TMC1: variants seen among roughly 807,000 people sequenced by gnomAD.
The protein encoded by TMC1 is transmembrane channel-like protein 1.
Under a neutral mutation model 105.8 loss-of-function variants are expected in TMC1, and 84 were observed. The ratio of observed to expected loss-of-function variants is 0.79; its 90% CI spans 0.67 to 0.95. TMC1 has a LOEUF of 0.95. Ranked by LOEUF, TMC1 falls within the 40% of genes least tolerant of loss-of-function variation. TMC1 has a pLI of 0.00. For missense variants in TMC1, 817 were observed against 914.1 expected, an observed-to-expected ratio of 0.89 and a Z score of 1.37; for synonymous variants, 315 against 311.5, an observed-to-expected ratio of 1.01 and a Z score of -0.12.
At chr9:72,823,006 ATTTATTT>A (rs1302780216) in intron 20 of TMC1, among the ~76,000 whole-genome samples, 1 of 152,162 alleles carries the variant, frequency 6.6e-6, no homozygotes, top group African/African-American at 2.4e-5. Context: ...AATCAGGGAA[ATTTATTT>A]TTTATTTTTA....
chr9:72,784,130 C>A (rs1828133634), intron 13 of TMC1, among the ~76,000 whole-genome samples: 1 of 152,014 alleles, frequency 6.6e-6, no homozygotes, highest in Non-Finnish European at 1.5e-5. Context: ...ACTAAACAGA[C>A]AACCAACAGA....
At chr9:72,577,868 CTTTATTTATA>C (rs1266160666) in intron 1 of TMC1, 24 bp from the exon 2 acceptor site, 1 of 151,886 alleles carries the variant, frequency 6.6e-6, no homozygotes, top group African/African-American at 2.4e-5. Context: ...TTAGTTTATT[CTTTATTTATA>C]TTTATTTATT....
At chr9:72,789,727 A>G (rs1388038573) in intron 15 of TMC1, among the ~76,000 whole-genome samples, 1 of 152,200 alleles carries the variant, frequency 6.6e-6, no homozygotes, top group African/African-American at 2.4e-5. Context: ...ATCTGTCATT[A>G]AAAGATCAAA....
chr9:72,654,070 G>T (rs1825851282), intron 5 of TMC1, among the ~76,000 whole-genome samples: 1 of 152,156 alleles, frequency 6.6e-6, no homozygotes, highest in African/African-American at 2.4e-5. Flanking sequence ...ATTTGGGGCT[G>T]TTATGAATAA....
chr9:72,538,394 C>CTTGTATCGTATTGTA (rs1554709809), intron 1 of TMC1, among the ~76,000 whole-genome samples: 5 of 143,778 alleles, frequency 3.5e-5, no homozygotes, highest in African/African-American at 1.3e-4. Flanking sequence ...GGATAAAATA[C>CTTGTATCGTATTGTA]TTGTATTGTA....
At chr9:72,634,092 G>A (rs1206682503) in intron 4 of TMC1, among the ~76,000 whole-genome samples, 1 of 152,050 alleles carries the variant, frequency 6.6e-6, no homozygotes, top group Non-Finnish European at 1.5e-5. Flanking sequence ...GGCAGACAGG[G>A]GACTAGGGAA....
At chr9:72,689,148 C>T (rs57033809) in intron 6 of TMC1, among the ~76,000 whole-genome samples, 6 of 151,958 alleles carry the variant, frequency 3.9e-5, no homozygotes, top group Admixed American at 1.3e-4. Context: ...TATGATTGGA[C>T]GAAAAGGGTA....
At chr9:72,627,727 G>A (rs1825375076) in intron 3 of TMC1, among the ~76,000 whole-genome samples, 194 bp from the exon 4 acceptor site, 1 of 152,148 alleles carries the variant, frequency 6.6e-6, no homozygotes. Flanking sequence ...CACGTAGCAT[G>A]CATTTGAAAC....
At chr9:72,796,220 G>T (rs150789338) in intron 17 of TMC1, among the ~76,000 whole-genome samples, 112 of 152,132 alleles carry the variant, frequency 7.4e-4, no homozygotes, top group African/African-American at 2.0e-3. Context: ...GACCTACAAA[G>T]AGACATAGGC....
chr9:72,771,524 G>T (rs1490470730), intron 12 of TMC1, among the ~76,000 whole-genome samples: 30 of 152,124 alleles, frequency 2.0e-4, no homozygotes, highest in Non-Finnish European at 4.4e-4. Flanking sequence ...AAGATTCAGG[G>T]TTGACTCACC....
Position 72,650,890 on chromosome 9 carries a change from A to ATATATATATATC in TMC1, c.16+2226_16+2227insTATATATATATC, listed in dbSNP as rs1564468483. ...GTGTATTTTATATATATAGATATAT[A>ATATATATATATC]GATATATATATAAATATATATAGAT... On this transcript the variant is annotated intron_variant, in intron 5 of 23. Transcript: ENST00000297784. Among the ~76,000 whole-genome samples the ATATATATATATC allele has an allele frequency of 1.1e-3, 151 of 139,610 alleles. 1 individual carries two copies. The highest frequency in any genetic ancestry group is 3.9e-3 in the African/African-American group (145 of 37,244). The allele number at this position is 139,610 out of a possible 152,430, so 91.6% of individuals were successfully genotyped here.
chr9:72,827,631 T>C (rs72733096), intron 21 of TMC1, among the ~76,000 whole-genome samples: 13,075 of 152,298 alleles, frequency 0.086, 673 homozygotes, highest in Non-Finnish European at 0.13. Context: ...ATAACTTTCA[T>C]TGGCTTCTGA....
chr9:72,788,355 G>GGT lies in TMC1; in HGVS notation c.903_904dup (p.Asp302ValfsTer24). 1.2e-6 allele frequency: 2 copies of GGT among 1,613,966 alleles called. No individual in the cohort carries two copies. The highest frequency in any genetic ancestry group is 3.3e-5 in the Admixed American group (2 of 60,010). On this transcript the variant is annotated frameshift_variant, in exon 14 of 24. Coordinates refer to ENST00000297784, the MANE Select transcript of TMC1 (RefSeq NM_138691.3). LOFTEE classifies it high-confidence loss of function. ...TTTTTGCAGAATGACCAAAAACATT[G>GGT]GTGATGATGGAGGTGGAGATGACAA...
intron 8 of TMC1, among the ~76,000 whole-genome samples, chr9:72,704,724 C>T (rs1240062457): frequency 6.6e-6 from 1 of 152,080 alleles, no homozygotes; most frequent in Non-Finnish European, 1.5e-5. Context: ...TACAATTTCA[C>T]ACATTCCTGT....
intron 21 of TMC1, among the ~76,000 whole-genome samples, chr9:72,827,716 C>G (rs1828978146): frequency 6.6e-6 from 1 of 152,182 alleles, no homozygotes; most frequent in South Asian, 2.1e-4. Flanking sequence ...AAAGCAGCGT[C>G]CATCTCTTCC....
intron 2 of TMC1, among the ~76,000 whole-genome samples, chr9:72,611,108 T>G (rs1272941784): frequency 2.6e-5 from 4 of 152,234 alleles, no homozygotes; most frequent in East Asian, 3.8e-4. Context: ...GGAAACTACT[T>G]ATTTATAAGA....
At chr9:72,779,113 A>G (rs1828051701) in intron 13 of TMC1, among the ~76,000 whole-genome samples, 1 of 152,350 alleles carries the variant, frequency 6.6e-6, no homozygotes, top group African/African-American at 2.4e-5. Flanking sequence ...TTGAGAGGCC[A>G]GAGAACAAAG....
At chr9:72,696,780 A>T (rs1056510041) in intron 7 of TMC1, among the ~76,000 whole-genome samples, 1 of 152,164 alleles carries the variant, frequency 6.6e-6, no homozygotes, top group African/African-American at 2.4e-5. Flanking sequence ...TAATATATTC[A>T]TAGCAGTGAG....
intron 10 of TMC1, among the ~76,000 whole-genome samples, chr9:72,751,450 T>A (rs1487349199): frequency 1.3e-5 from 2 of 152,240 alleles, no homozygotes; most frequent in Non-Finnish European, 2.9e-5. Context: ...ATAATTATAG[T>A]GATAGCTAAT....
Sources: allele counts gnomAD v4.1 joint callset (sites outside exome capture counted in the v4.1 genomes callset), GRCh38; gene constraint gnomAD v4.1.1; transcripts MANE v1.5; gene names NCBI Gene and HGNC (gene_info 2026-07-23, HGNC 2026-07-21).